Variants in SAMM50 observed in about 807,000 individuals in gnomAD.
SAMM50 encodes sorting and assembly machinery component 50 homolog.
In SAMM50, 47 loss-of-function variants were observed where a neutral mutation model predicts 66.9. The ratio of observed to expected loss-of-function variants is 0.70; its 90% CI spans 0.56 to 0.90. The LOEUF (loss-of-function observed/expected upper bound fraction) is 0.90, where lower values mean the gene tolerates loss of function less well. Ranked by LOEUF, SAMM50 falls within the 40% of genes least tolerant of loss-of-function variation. SAMM50 has a pLI of 0.00. For missense variants in SAMM50, 535 were observed against 595.3 expected (o/e 0.90, Z 1.05); for synonymous variants, 191 against 214.1 (o/e 0.89, Z 0.94).
chr22:43,971,795 C>T (rs1603419083), intron 4 of SAMM50, among the ~76,000 whole-genome samples: 4 of 152,182 alleles, frequency 2.6e-5, no homozygotes, highest in African/African-American at 9.6e-5. Context: ...ACTGCAGCCT[C>T]CAACTGCTGG....
intron 14 of SAMM50, among the ~76,000 whole-genome samples, chr22:43,994,320 C>T (rs905107684): frequency 1.3e-5 from 2 of 152,110 alleles, no homozygotes; most frequent in East Asian, 1.9e-4. Context: ...CTTCCAGCCC[C>T]GCTGACCTTT....
rs146050868 is a variant in SAMM50, at chr22:43,991,873, C to T, written c.1364+1467C>T. Among the ~76,000 whole-genome samples, 510 of 152,292 alleles carry T rather than the reference C, an allele frequency of 3.3e-3. 4 individuals carry two copies. Among genetic ancestry groups the T allele is most frequent in the African/African-American group, 0.011 (473 of 41,560 alleles). ...CGGCCCCTAATTCCATCACGAGGGC[C>T]CCATCTTCGTTACCTCGTCTGCACC... On this transcript the variant is annotated intron_variant, in intron 14 of 14. Transcript: ENST00000350028.
At chr22:43,981,094 G>GT (rs924259072) in intron 10 of SAMM50, among the ~76,000 whole-genome samples, 2 of 152,236 alleles carry the variant, frequency 1.3e-5, no homozygotes, top group Non-Finnish European at 2.9e-5. Context: ...GCTGCTGGGC[G>GT]TCACTTCCCG....
rs34677401 is a variant in SAMM50, at chr22:43,973,296, G to A, written c.621G>A (p.Thr207=). The change falls in exon 7 of 15, where the codon ACG becomes ACA. Residue 207 remains threonine (T), a synonymous_variant. Transcript: ENST00000350028. ...GQFPWSSLRE[T]DRGMSAEYSF... is the part of the protein sequence containing the mutation. Reference sequence around the variant, plus strand: ...TCCCTTGGAGCTCACTGCGGGAGACGGACAGAGGAATGTCAGCTGAGTACA... The same window carrying A: ...TCCCTTGGAGCTCACTGCGGGAGACAGACAGAGGAATGTCAGCTGAGTACA... The A allele has an allele frequency of 4.9e-3, 7,810 of 1,605,488 alleles. 356 individuals carry two copies. In the African/African-American group the frequency reaches 0.092, roughly 19 times the overall value.
intron 1 of SAMM50, among the ~76,000 whole-genome samples, chr22:43,961,275 G>A (rs138145237): frequency 4.5e-4 from 68 of 152,050 alleles, no homozygotes; most frequent in African/African-American, 1.6e-3. Flanking sequence ...TGTAAGAATC[G>A]CTTGGTGCCA....
rs1395433012 is a variant in SAMM50, at chr22:43,963,397, G to A, written c.132+1G>A. 2 of 1,584,274 alleles carry A rather than the reference G, an allele frequency of 1.3e-6. No homozygotes were observed. Among genetic ancestry groups the A allele is most frequent in the Non-Finnish European group, 1.7e-6 (2 of 1,154,856 alleles). ...ACAGGAAATTCTTGAAAACAAAGAT[G>A]TGAGTTTTCTGTTGAAGGTCTTGAT... is the stretch of plus-strand genomic sequence containing the variant. On this transcript the variant is annotated splice_donor_variant, in intron 2 of 14. Transcript: ENST00000350028. LOFTEE classifies it high-confidence loss of function.
chr22:43,990,200 G>C (rs2050315793), intron 13 of SAMM50, 65 bp from the exon 14 acceptor site: 2 of 1,597,036 alleles, frequency 1.3e-6, no homozygotes, highest in Non-Finnish European at 1.7e-6. Context: ...GGGCTTGTCT[G>C]GGAGAGCTGG....
intron 12 of SAMM50, among the ~76,000 whole-genome samples, chr22:43,984,612 CT>C (rs546856076): frequency 1.3e-5 from 2 of 150,008 alleles, no homozygotes; most frequent in East Asian, 4.0e-4. Flanking sequence ...GGCCCGACCC[CT>C]ATGTATTATT....
rs78029138 is a variant in SAMM50, at chr22:43,968,716, T to C, written c.235-15T>C. On this transcript the variant is annotated splice_polypyrimidine_tract_variant and intron_variant, in intron 3 of 14. Coordinates refer to ENST00000350028, the MANE Select transcript of SAMM50 (RefSeq NM_015380.5). ...AGAAGAATATATTCCTTGTTTTTCT[T>C]CCCCCATTTTATAGGTAATGCGGAA... is the stretch of plus-strand genomic sequence containing the variant. 2.5e-3 allele frequency: 3,894 copies of C among 1,579,080 alleles called. 88 individuals are homozygous for C. In the Admixed American group the frequency reaches 0.038, roughly 16 times the overall value.
intron 1 of SAMM50, among the ~76,000 whole-genome samples, chr22:43,957,979 T>A (rs913983916): frequency 1.3e-5 from 2 of 151,894 alleles, no homozygotes; most frequent in East Asian, 3.9e-4. Flanking sequence ...GGTCTCGATC[T>A]CCTGACCTTG....
intron 3 of SAMM50, 60 bp from the exon 4 acceptor site, chr22:43,968,671 A>G: frequency 5.0e-6 from 6 of 1,199,996 alleles, no homozygotes; most frequent in South Asian, 1.2e-5. Flanking sequence ...TGTGGCTGCC[A>G]TTTGCTGTTT....
chr22:43,983,116 G>A lies in SAMM50; in HGVS notation c.1008-817G>A, dbSNP rs1167347966. 3.9e-5 allele frequency among the ~76,000 whole-genome samples: 6 copies of A among 152,164 alleles called. No homozygotes were observed. The highest frequency in any genetic ancestry group is 1.9e-4 in the East Asian group (1 of 5,202). On this transcript the variant is annotated intron_variant, in intron 11 of 14. Transcript: ENST00000350028. The surrounding 1 kb of genome is among the most constrained non-coding windows in gnomAD (Gnocchi z 4.2). ...TTTGGTAGGAAAACCAGAAAAAGCC[G>A]CGCCCTGTTCCCTTTGTGCTGTTGC...
chr22:43,995,986 C>G (rs2050351454), intron 14 of SAMM50, among the ~76,000 whole-genome samples: 2 of 152,184 alleles, frequency 1.3e-5, no homozygotes. Context: ...CACTACCCAC[C>G]TTGTCCTTCC....
intron 4 of SAMM50, 63 bp from the exon 5 acceptor site, chr22:43,972,173 C>G: frequency 1.0e-6 from 1 of 982,646 alleles, no homozygotes; most frequent in East Asian, 2.6e-5. Context: ...TCTTTTTTAG[C>G]AATGGGAACC....
chr22:43,973,929 TG>T (rs2050217708), intron 7 of SAMM50, among the ~76,000 whole-genome samples: 1 of 152,180 alleles, frequency 6.6e-6, no homozygotes, highest in Non-Finnish European at 1.5e-5. Context: ...GTTTCATTTT[TG>T]GTTCACACCT....
At chr22:43,991,872 C>T (rs1310648144) in intron 14 of SAMM50, among the ~76,000 whole-genome samples, 3 of 152,198 alleles carry the variant, frequency 2.0e-5, no homozygotes, top group African/African-American at 7.2e-5. Flanking sequence ...ATCACGAGGG[C>T]CCCATCTTCG....
chr22:43,964,588 T>C, intron 3 of SAMM50, 35 bp downstream of exon 3: 4 of 1,177,388 alleles, frequency 3.4e-6, no homozygotes, highest in Non-Finnish European at 3.8e-6. Flanking sequence ...GCTTTCCCAG[T>C]CTCTTCTGAA....
intron 4 of SAMM50, among the ~76,000 whole-genome samples, chr22:43,971,357 C>T (rs2050202730): frequency 6.6e-6 from 1 of 152,204 alleles, no homozygotes; most frequent in Non-Finnish European, 1.5e-5. Flanking sequence ...CTCATTCCTA[C>T]AGAGCCCAGC....
chr22:43,965,573 A>G (rs954211758), intron 3 of SAMM50, among the ~76,000 whole-genome samples: 15 of 152,176 alleles, frequency 9.9e-5, no homozygotes, highest in African/African-American at 3.4e-4. Context: ...TAGAAAATCA[A>G]ATGGTACAGA....
Sources: allele counts gnomAD v4.1 joint callset (sites outside exome capture counted in the v4.1 genomes callset), GRCh38; gene constraint gnomAD v4.1.1; non-coding constraint Gnocchi (gnomAD v3.1); transcripts MANE v1.5; gene names NCBI Gene and HGNC (gene_info 2026-07-23, HGNC 2026-07-21).